Variants in LRMDA observed in about 807,000 individuals in gnomAD.
The protein encoded by LRMDA is leucine-rich melanocyte differentiation-associated protein.
A neutral mutation model predicts 29.8 loss-of-function variants in LRMDA; 18 were observed. The observed-to-expected ratio is 0.60, with a 90% CI of 0.42 to 0.90. LRMDA has a LOEUF of 0.90. LRMDA is among the 40% of genes least tolerant of loss of function. The probability of loss-of-function intolerance (pLI) is 0.00; values close to 1 mark genes in which losing one functional copy is unlikely to be tolerated. For synonymous variants in LRMDA, 125 were observed against 109.4 expected, an observed-to-expected ratio of 1.14 and a Z score of -0.89; for missense variants, 273 against 273.9, an observed-to-expected ratio of 1.00 and a Z score of 0.02.
chr10:75,797,862 T>A (rs967528210), intron 2 of LRMDA, among the ~76,000 whole-genome samples: 1 of 152,204 alleles, frequency 6.6e-6, no homozygotes. Context: ...TTCACTTCAT[T>A]TGGATACATA....
At chr10:75,831,085 G>A (rs948154143) in intron 2 of LRMDA, among the ~76,000 whole-genome samples, 9 of 150,830 alleles carry the variant, frequency 6.0e-5, no homozygotes, top group African/African-American at 1.7e-4. Flanking sequence ...CACTCTTGTC[G>A]CCTAGGCTGG....
intron 2 of LRMDA, among the ~76,000 whole-genome samples, chr10:75,933,714 T>C (rs1027141114): frequency 1.3e-5 from 2 of 152,126 alleles, no homozygotes; most frequent in Non-Finnish European, 2.9e-5. Context: ...GGTGGGAGGG[T>C]ATTCGCTCCA....
At chr10:76,223,158 C>T (rs35869130) in intron 5 of LRMDA, among the ~76,000 whole-genome samples, 1 of 151,914 alleles carries the variant, frequency 6.6e-6, no homozygotes, top group Non-Finnish European at 1.5e-5. Context: ...GGAGATATAC[C>T]TAATGCTAAA....
intron 2 of LRMDA, among the ~76,000 whole-genome samples, chr10:75,945,392 G>C (rs1465887505): frequency 1.3e-5 from 2 of 152,140 alleles, no homozygotes; most frequent in African/African-American, 4.8e-5. Context: ...TCTTCTTTCT[G>C]GGATCACTCC....
intron 6 of LRMDA, among the ~76,000 whole-genome samples, chr10:76,422,055 C>T (rs906997741): frequency 6.6e-6 from 1 of 152,040 alleles, no homozygotes; most frequent in African/African-American, 2.4e-5. Context: ...GTTGCCCTTC[C>T]ACCTGTGATG....
At chr10:76,262,624 A>G (rs917087027) in intron 5 of LRMDA, among the ~76,000 whole-genome samples, 1 of 152,220 alleles carries the variant, frequency 6.6e-6, no homozygotes, top group African/African-American at 2.4e-5. Flanking sequence ...GTTATTCAAC[A>G]TCTTTCCTCT....
At chr10:75,750,239 G>A (rs1043558099) in intron 2 of LRMDA, among the ~76,000 whole-genome samples, 2 of 151,448 alleles carry the variant, frequency 1.3e-5, no homozygotes, top group African/African-American at 2.4e-5. Flanking sequence ...CGGACAGGGC[G>A]GCTGCCGGGC....
At chr10:75,674,318 T>C (rs2132146659) in intron 2 of LRMDA, among the ~76,000 whole-genome samples, 1 of 152,330 alleles carries the variant, frequency 6.6e-6, no homozygotes, top group Non-Finnish European at 1.5e-5. Flanking sequence ...CACCTTTCTG[T>C]TCCCTTATCT....
At chr10:76,093,334 A>G (rs1432227844) in intron 5 of LRMDA, among the ~76,000 whole-genome samples, 8 of 149,320 alleles carry the variant, frequency 5.4e-5, no homozygotes, top group Non-Finnish European at 1.0e-4. Flanking sequence ...CAAATTGGAG[A>G]GTTATTATAG....
chr10:76,387,410 G>C (rs536866299), intron 6 of LRMDA, among the ~76,000 whole-genome samples: 1 of 152,000 alleles, frequency 6.6e-6, no homozygotes, highest in Non-Finnish European at 1.5e-5. Flanking sequence ...AGACCAGCCC[G>C]GGCAATATGG....
At chr10:76,352,715 C>CTAT (rs575484076) in intron 6 of LRMDA, among the ~76,000 whole-genome samples, 1 of 151,960 alleles carries the variant, frequency 6.6e-6, no homozygotes, top group Non-Finnish European at 1.5e-5. Flanking sequence ...GCTGCTGTTT[C>CTAT]TATTATTATT....
intron 2 of LRMDA, among the ~76,000 whole-genome samples, chr10:75,915,541 C>T (rs887144205): frequency 4.6e-5 from 7 of 152,158 alleles, no homozygotes; most frequent in South Asian, 2.1e-4. Flanking sequence ...AGTCTGGCCT[C>T]GTGTCTAACC....
chr10:75,561,808 C>T (rs1467662716), intron 2 of LRMDA, among the ~76,000 whole-genome samples: 3 of 151,966 alleles, frequency 2.0e-5, no homozygotes, highest in Non-Finnish European at 4.4e-5. Context: ...CATTCAGGAG[C>T]AGGTTGTTCA....
intron 6 of LRMDA, among the ~76,000 whole-genome samples, chr10:76,357,017 C>A (rs1190778487): frequency 6.6e-6 from 1 of 151,988 alleles, no homozygotes; most frequent in Non-Finnish European, 1.5e-5. Flanking sequence ...AAGAAAGGTA[C>A]AACAAGATGT....
intron 3 of LRMDA, among the ~76,000 whole-genome samples, chr10:76,037,704 A>G (rs1257584766): frequency 6.6e-6 from 1 of 152,178 alleles, no homozygotes; most frequent in Non-Finnish European, 1.5e-5. Flanking sequence ...AGCTTTTTCA[A>G]GTCTCTCCTT....
Position 75,992,263 on chromosome 10 carries a change from T to A in LRMDA, c.132-43745T>A, listed in dbSNP as rs1302000133. ...TCCTTTGTGCTTGTGAATGGTGCCA[T>A]CCCTAGAGGTAGCATAGATGCATCC... is the stretch of plus-strand genomic sequence containing the variant. On this transcript the variant is annotated intron_variant, in intron 2 of 6. Coordinates refer to ENST00000611255, the MANE Select transcript of LRMDA (RefSeq NM_001305581.2). Among the ~76,000 whole-genome samples, 9 of 152,258 alleles carry A rather than the reference T, an allele frequency of 5.9e-5. No homozygotes were observed. The East Asian group carries it at 1.7e-3, about 29-fold the overall frequency.
intron 2 of LRMDA, among the ~76,000 whole-genome samples, chr10:75,996,714 T>C (rs920040652): frequency 2.6e-5 from 4 of 151,614 alleles, no homozygotes; most frequent in African/African-American, 7.3e-5. Flanking sequence ...TAAAATTACG[T>C]GTTTTTTTTG....
chr10:75,979,940 G>T (rs909734611), intron 2 of LRMDA, among the ~76,000 whole-genome samples: 27 of 152,150 alleles, frequency 1.8e-4, no homozygotes, highest in Non-Finnish European at 1.6e-4. Flanking sequence ...TGGGCTTGTT[G>T]ACAAGGTTTT....
intron 2 of LRMDA, among the ~76,000 whole-genome samples, chr10:75,846,177 TTGTGTGTGTGTG>T (rs59549881): frequency 1.3e-4 from 18 of 142,976 alleles, no homozygotes; most frequent in Admixed American, 6.3e-4. Flanking sequence ...GTGTGTGTGT[TTGTGTGTGTGTG>T]TGTGTGTGTG....
Sources: gnomAD v4.1 joint callset for allele counts (sites outside exome capture counted in the v4.1 genomes callset) on GRCh38, gnomAD v4.1.1 for gene constraint, MANE v1.5 for transcripts, NCBI Gene and HGNC (gene_info 2026-07-23, HGNC 2026-07-21) for gene names.